Variants in KDM5C observed in about 807,000 individuals in gnomAD.
KDM5C encodes lysine demethylase 5C, also known as lysine-specific demethylase 5C.
In KDM5C, 16 loss-of-function variants were observed where a neutral mutation model predicts 110.6. That is an observed-to-expected ratio of 0.14 (90% CI 0.10 to 0.22). The LOEUF (loss-of-function observed/expected upper bound fraction) is 0.22. KDM5C is among the 10% of genes least tolerant of loss of function. The probability of loss-of-function intolerance (pLI) is 1.00; values close to 1 mark genes in which losing one functional copy is unlikely to be tolerated. For missense variants in KDM5C, 681 were observed against 1,300.9 expected, an observed-to-expected ratio of 0.52 and a Z score of 7.33; for synonymous variants, 511 against 520.4, an observed-to-expected ratio of 0.98 and a Z score of 0.24.
At chrX:53,215,695 C>T (rs1168902618) in intron 7 of KDM5C, 100 bp downstream of exon 7, 2 of 944,695 alleles carry the variant, frequency 2.1e-6, no homozygotes, top group Admixed American at 2.3e-5. Context: ...CATGGAGGCC[C>T]GCTTTTGTGG....
At chrX:53,208,802 G>A (rs1261363676) in intron 12 of KDM5C, among the ~76,000 whole-genome samples, 8 of 58,507 alleles carry the variant, frequency 1.4e-4, no homozygotes, top group African/African-American at 4.6e-4. Flanking sequence ...ACCACACCCG[G>A]CTCTTTTTTT....
intron 12 of KDM5C, among the ~76,000 whole-genome samples, chrX:53,203,496 A>AT (rs1241150107): frequency 6.3e-5 from 7 of 111,294 alleles, no homozygotes; most frequent in Admixed American, 1.9e-4. Context: ...AAATTCCCTA[A>AT]TTTTTTCTAC....
rs2074006498 is a variant in KDM5C, at chrX:53,225,170, C to A, written c.-281G>T. 6 of 339,150 alleles carry A rather than the reference C, an allele frequency of 1.8e-5. No homozygotes were observed. The highest frequency in any genetic ancestry group is 2.5e-5 in the Non-Finnish European group (5 of 196,558). The allele number at this position is 339,150 out of a possible 1,213,427, so 27.9% of individuals were successfully genotyped here. A position where few individuals can be genotyped will look rare whatever the true frequency, so the allele number is the denominator to read the frequency against. Reference sequence around the variant, plus strand: ...GCCACCACAGTTACCTCCCAAACGCCGCGGCCTTCAGCGCCGCCGCCGCCA... The same window carrying A: ...GCCACCACAGTTACCTCCCAAACGCAGCGGCCTTCAGCGCCGCCGCCGCCA... On this transcript the variant is annotated 5_prime_UTR_variant, in exon 1 of 26. Transcript: ENST00000375401.
chrX:53,210,975 A>T, intron 10 of KDM5C, 118 bp from the exon 11 acceptor site: 1 of 634,855 alleles, frequency 1.6e-6, no homozygotes, highest in South Asian at 2.4e-5. Context: ...TTTTTGAAAC[A>T]TCTTAAGAAA....
chrX:53,195,240 C>T lies in KDM5C; in HGVS notation c.3291G>A (p.Thr1097=), dbSNP rs1934748995. 2.5e-6 allele frequency: 3 copies of T among 1,202,912 alleles called. No individual in the cohort carries two copies. The highest frequency in any genetic ancestry group is 3.4e-6 in the Non-Finnish European group (3 of 890,574). The change falls in exon 21 of 26, where the codon ACG becomes ACA. Residue 1097 remains threonine, a synonymous_variant. Coordinates refer to ENST00000375401, the MANE Select transcript of KDM5C (RefSeq NM_004187.5). ...KTFLKKNSCY[T]LLEVLCPCAD... is the part of the protein sequence containing the mutation. ...AGGTCCCAGGCCTCACCTCCAGCAG[C>T]GTGTAGCAAGAATTTTTCTTGAGGA... is the stretch of plus-strand genomic sequence containing the variant.
At chrX:53,215,599 C>G (rs1245290802) in intron 7 of KDM5C, 196 bp downstream of exon 7, 2 of 469,027 alleles carry the variant, frequency 4.3e-6, no homozygotes, top group Admixed American at 3.2e-5. Flanking sequence ...TTCATGTTGA[C>G]AGCACTTGAT....
At chrX:53,178,116 G>T (rs782041923) in intron 25 of KDM5C, among the ~76,000 whole-genome samples, 2 of 111,987 alleles carry the variant, frequency 1.8e-5, no homozygotes, top group Non-Finnish European at 3.8e-5. Flanking sequence ...CTCAGCCTCC[G>T]AAAGTGTTGG....
intron 1 of KDM5C, among the ~76,000 whole-genome samples, chrX:53,222,902 G>A (rs2073935217): frequency 9.0e-6 from 1 of 110,955 alleles, no homozygotes; most frequent in Non-Finnish European, 1.9e-5. Context: ...TTCCCACCCT[G>A]GGCCCAAGCA....
intron 12 of KDM5C, among the ~76,000 whole-genome samples, chrX:53,206,863 CAAAAAAAA>C (rs58880985): frequency 2.7e-4 from 6 of 22,329 alleles, no homozygotes; most frequent in African/African-American, 1.4e-3. Context: ...GATTCCTTCT[CAAAAAAAA>C]AAAAAAAAAA....
At chrX:53,205,490 C>T (rs782786556) in intron 12 of KDM5C, among the ~76,000 whole-genome samples, 20 of 112,240 alleles carry the variant, frequency 1.8e-4, no homozygotes, top group Admixed American at 6.6e-4. Flanking sequence ...ACTGCCAGAA[C>T]TATCTTCCAA....
rs2146822823 is a variant in KDM5C, at chrX:53,194,597, G to A, written c.3580C>T (p.Leu1194=). ...TTSICVCGQV[L]AGAGALQCDL... is the part of the protein sequence containing the mutation. ...CACTGCAGAGCTCCCGCCCCAGCCA[G>A]CACCTGCCCACACACACAGATAGAG... The change falls in exon 23 of 26, where the codon CTG becomes TTG. Residue 1194 remains leucine (L), a synonymous_variant. Transcript: ENST00000375401. 1.7e-6 allele frequency: 2 copies of A among 1,212,051 alleles called. No homozygotes were observed. Among genetic ancestry groups the A allele is most frequent in the Non-Finnish European group, 2.2e-6 (2 of 895,478 alleles).
At chrX:53,182,084 TG>T (rs1423671387) in intron 25 of KDM5C, among the ~76,000 whole-genome samples, 16 of 104,621 alleles carry the variant, frequency 1.5e-4, no homozygotes, top group African/African-American at 5.7e-4. Flanking sequence ...CACCCTTTTT[TG>T]TTTTTTTTTT....
chrX:53,224,340 A>G (rs782443245), intron 1 of KDM5C, among the ~76,000 whole-genome samples: 2 of 111,946 alleles, frequency 1.8e-5, no homozygotes, highest in East Asian at 2.8e-4. Flanking sequence ...CGATCTTTCT[A>G]TTAATACTAT....
At chrX:53,208,471 C>T (rs782010683) in intron 12 of KDM5C, among the ~76,000 whole-genome samples, 52 of 94,324 alleles carry the variant, frequency 5.5e-4, no homozygotes, top group African/African-American at 2.0e-3. Context: ...ATATATGCCT[C>T]TTAGCTACCC....
intron 4 of KDM5C, 44 bp from the exon 5 acceptor site, chrX:53,217,321 CCG>C (rs1299572544): frequency 8.3e-7 from 1 of 1,201,378 alleles, no homozygotes; most frequent in African/African-American, 1.8e-5. Context: ...GGACTCCAGC[CCG>C]CAAAAGCAAT....
chrX:53,221,528 C>T (rs1190487963), intron 1 of KDM5C, among the ~76,000 whole-genome samples: 1 of 112,403 alleles, frequency 8.9e-6, no homozygotes, highest in East Asian at 2.8e-4. Context: ...ACATCTAAGG[C>T]TGACCACACC....
In KDM5C at chrX:53,196,815, C is replaced by T. The variant is rs781878921; in HGVS notation, c.2852G>A (p.Arg951Gln). The change falls in exon 19 of 26, where the codon CGA (arginine) becomes CAA (glutamine). Residue 951 changes from arginine (R) to glutamine (Q), a missense_variant. By Grantham distance (43) the Arg-to-Gln change is conservative (BLOSUM62 1). Transcript: ENST00000375401. ...SARRGTLAVM[R>Q]GLLVAGASVA... Reference sequence around the variant, plus strand: ...ACTGGCACCCGCGACCAACAGTCCTCGCATGACAGCCAAGGTGCCCCTTCG... The same window carrying T: ...ACTGGCACCCGCGACCAACAGTCCTTGCATGACAGCCAAGGTGCCCCTTCG... 9.1e-6 allele frequency: 11 copies of T among 1,210,565 alleles called. No individual in the cohort carries two copies. Among genetic ancestry groups the T allele is most frequent in the Admixed American group, 8.7e-5 (4 of 45,966 alleles).
chrX:53,194,970 C>T lies in KDM5C; in HGVS notation c.3399G>A (p.Leu1133=). The T allele has an allele frequency of 8.3e-7, 1 of 1,211,444 alleles. No individual in the cohort carries two copies. The highest frequency in any genetic ancestry group is 1.1e-6 in the Non-Finnish European group (1 of 895,313). ...CCCTGAGGTCCTGCGCAGACAGCCCCAGCAGCTCTGTGTCAGATTTGTACA... is the reference window on the plus strand; with the variant it reads ...CCCTGAGGTCCTGCGCAGACAGCCCTAGCAGCTCTGTGTCAGATTTGTACA... ...LGLYKSDTEL[L]GLSAQDLRDP... The change falls in exon 22 of 26, where the codon CTG becomes CTA. Residue 1133 remains leucine, a synonymous_variant. Coordinates refer to ENST00000375401, the MANE Select transcript of KDM5C (RefSeq NM_004187.5).
chrX:53,192,887 A>C lies in KDM5C; in HGVS notation c.*80T>G, dbSNP rs1934522962. 8.1e-6 allele frequency: 3 copies of C among 369,941 alleles called. No individual in the cohort carries two copies. The highest frequency in any genetic ancestry group is 3.1e-5 in the African/African-American group (1 of 32,183). The allele number at this position is 369,941 out of a possible 1,213,427, so 30.5% of individuals were successfully genotyped here. ...CCCCCCTACCCGCCCACCCCCCAAG[A>C]AGCAGGCTTGATGGTCAGAAAGAGG... is the stretch of plus-strand genomic sequence containing the variant. On this transcript the variant is annotated 3_prime_UTR_variant, in exon 26 of 26. Transcript: ENST00000375401.
Sources: gnomAD v4.1 joint callset for allele counts (sites outside exome capture counted in the v4.1 genomes callset) on GRCh38, gnomAD v4.1.1 for gene constraint, MANE v1.5 for transcripts, NCBI Gene and HGNC (gene_info 2026-07-23, HGNC 2026-07-21) for gene names.